The following LPAR1 variants were observed in gnomAD, a reference collection of about 807,000 sequenced individuals.
LPAR1 encodes the protein lysophosphatidic acid receptor 1, also known as LPA receptor 1.
LPAR1 carries 5 observed loss-of-function variants against 23.8 expected under a neutral mutation model. The observed-to-expected ratio is 0.21, with a 90% confidence interval of 0.11 to 0.44. The LOEUF is 0.44. LPAR1 is among the 20% of genes least tolerant of loss of function. The probability of loss-of-function intolerance (pLI) is 0.99; values close to 1 mark genes in which losing one functional copy is unlikely to be tolerated. For synonymous variants in LPAR1, 160 were observed against 164.7 expected (o/e 0.97, Z 0.22); for missense variants, 311 against 482.8 (o/e 0.64, Z 3.33).
In LPAR1 at chr9:110,883,394, T is replaced by C. The variant is rs148640853; in HGVS notation, c.794-7672A>G. Among the ~76,000 whole-genome samples the C allele has an allele frequency of 1.2e-4, 18 of 152,164 alleles. No homozygotes were observed. The East Asian group carries it at 3.5e-3, about 29-fold the overall frequency. On this transcript the variant is annotated intron_variant, in intron 5 of 5. Coordinates refer to ENST00000683809, the MANE Select transcript of LPAR1 (RefSeq NM_001351411.2). ...ATTTAAAGTTAGCCACTATTAAAAA[T>C]AGATATTGGATGTACCACTCAAACC... is the stretch of plus-strand genomic sequence containing the variant.
At chr9:110,915,777 G>A (rs1041259241) in intron 5 of LPAR1, among the ~76,000 whole-genome samples, 2 of 152,150 alleles carry the variant, frequency 1.3e-5, no homozygotes, top group African/African-American at 4.8e-5. Flanking sequence ...TTCCTTAGAT[G>A]TAGATTTTAG....
intron 4 of LPAR1, among the ~76,000 whole-genome samples, chr9:110,963,837 A>C (rs1340741561): frequency 6.6e-6 from 1 of 152,230 alleles, no homozygotes; most frequent in Non-Finnish European, 1.5e-5. Flanking sequence ...ATTTTAAAAA[A>C]TAAAGCTGAA....
intron 2 of LPAR1, among the ~76,000 whole-genome samples, chr9:111,015,755 A>C (rs1359664912): frequency 1.3e-5 from 2 of 152,142 alleles, no homozygotes; most frequent in Admixed American, 1.3e-4. Context: ...AGGAAAAATA[A>C]AGATGTTTTC....
Position 110,900,524 on chromosome 9 carries a change from G to A in LPAR1, c.794-24802C>T, listed in dbSNP as rs1003774194. ...GAGAACAGGGATTTTCTTCTGTGCC[G>A]CAAGTACTTTCCTACCTGAGAACAT... On this transcript the variant is annotated intron_variant, in intron 5 of 5. Coordinates refer to ENST00000683809, the MANE Select transcript of LPAR1 (RefSeq NM_001351411.2). 3.3e-5 allele frequency among the ~76,000 whole-genome samples: 5 copies of A among 152,070 alleles called. No individual in the cohort carries two copies. The East Asian group carries it at 5.8e-4, about 18-fold the overall frequency.
At chr9:110,991,557 T>C (rs2096892284) in intron 2 of LPAR1, among the ~76,000 whole-genome samples, 1 of 120,342 alleles carries the variant, frequency 8.3e-6, no homozygotes, top group East Asian at 2.1e-4. Flanking sequence ...TGGAGCAGTC[T>C]GATAGAATCT....
In LPAR1 at chr9:110,875,160, G is replaced by C. The variant is rs1397783015; in HGVS notation, c.*261C>G. Reference sequence around the variant, plus strand: ...AGTCTAAATGGACACTCCAGAGTCTGTTCTTGAATTCCATTGCAAGAGCTC... The same window carrying C: ...AGTCTAAATGGACACTCCAGAGTCTCTTCTTGAATTCCATTGCAAGAGCTC... On this transcript the variant is annotated 3_prime_UTR_variant, in exon 6 of 6. Coordinates refer to ENST00000683809, the MANE Select transcript of LPAR1 (RefSeq NM_001351411.2). The C allele has an allele frequency of 7.7e-6, 3 of 387,812 alleles. No individual in the cohort carries two copies. Among genetic ancestry groups the C allele is most frequent in the African/African-American group, 4.0e-5 (2 of 49,732 alleles). The allele number at this position is 387,812 out of a possible 1,614,324, so 24.0% of individuals were successfully genotyped here. A position where few individuals can be genotyped will look rare whatever the true frequency, so the allele number is the denominator to read the frequency against.
At chr9:111,012,095 T>G (rs1362855001) in intron 2 of LPAR1, among the ~76,000 whole-genome samples, 1 of 152,058 alleles carries the variant, frequency 6.6e-6, no homozygotes, top group Non-Finnish European at 1.5e-5. Context: ...ACAAAAAAAT[T>G]TTTAAATTAG....
Position 110,941,983 on chromosome 9 carries a change from G to A in LPAR1, c.231C>T (p.Asn77=), listed in dbSNP as rs1275353714. 1 of 1,614,144 alleles carries A rather than the reference G, an allele frequency of 6.2e-7. No homozygotes were observed. The highest frequency in any genetic ancestry group is 2.2e-5 in the East Asian group (1 of 44,878). ...AATAAATAGGAAAATGGAAGCGGCG[G>A]TTGACATAGATTGCCACCATGACCA... ...NLLVMVAIYV[N]RRFHFPIYYL... Residue 77 remains asparagine, a synonymous_variant, in exon 5 of 6, where the codon AAC becomes AAT. Transcript: ENST00000683809. The surrounding 1 kb of genome is among the most constrained non-coding windows in gnomAD (Gnocchi z 6.1).
intron 4 of LPAR1, among the ~76,000 whole-genome samples, chr9:110,966,421 G>C (rs2096226928): frequency 6.6e-6 from 1 of 151,306 alleles, no homozygotes; most frequent in South Asian, 2.1e-4. Context: ...AGAGGTTGTG[G>C]CGAGCCAAGA....
intron 5 of LPAR1, among the ~76,000 whole-genome samples, chr9:110,900,968 G>T (rs1393046103): frequency 6.6e-6 from 1 of 152,072 alleles, no homozygotes; most frequent in East Asian, 1.9e-4. Context: ...TCTAATTATC[G>T]TGCTGAAATG....
intron 4 of LPAR1, among the ~76,000 whole-genome samples, chr9:110,961,747 C>T (rs374195573): frequency 7.2e-5 from 11 of 152,024 alleles, no homozygotes; most frequent in African/African-American, 2.4e-4. Context: ...CGTACATGGC[C>T]GCAGGCAAGA....
chr9:111,020,399 C>T (rs887215832), intron 2 of LPAR1, among the ~76,000 whole-genome samples: 11 of 152,180 alleles, frequency 7.2e-5, no homozygotes, highest in African/African-American at 2.7e-4. Flanking sequence ...GGGACTTTGT[C>T]CCAAGGTCAT....
At chr9:110,978,061 A>G (rs1166272819) in intron 2 of LPAR1, among the ~76,000 whole-genome samples, 1 of 152,200 alleles carries the variant, frequency 6.6e-6, no homozygotes, top group Non-Finnish European at 1.5e-5. Context: ...AATCAGAGCA[A>G]ATATTTACTT....
chr9:110,943,855 A>G (rs6477798), intron 4 of LPAR1, among the ~76,000 whole-genome samples: 90,492 of 145,008 alleles, frequency 0.62, 29,249 homozygotes, highest in East Asian at 0.97. Context: ...GCAAGACCCC[A>G]ACTCCATCTC....
intron 5 of LPAR1, among the ~76,000 whole-genome samples, chr9:110,884,002 G>C (rs1434887012): frequency 6.8e-6 from 1 of 146,506 alleles, no homozygotes; most frequent in Non-Finnish European, 1.5e-5. Context: ...TTTCTAGAAA[G>C]TTTGCATAAG....
intron 2 of LPAR1, among the ~76,000 whole-genome samples, chr9:110,984,960 T>C (rs2096750999): frequency 6.6e-6 from 1 of 151,982 alleles, no homozygotes; most frequent in African/African-American, 2.4e-5. Flanking sequence ...AGAATTTCCG[T>C]TTTAAAGAAT....
At chr9:110,910,572 TTG>T (rs1491166448) in intron 5 of LPAR1, among the ~76,000 whole-genome samples, 78 of 152,306 alleles carry the variant, frequency 5.1e-4, no homozygotes, top group African/African-American at 1.9e-3. Flanking sequence ...TAAGTATATT[TTG>T]TAAAGCTAGA....
intron 4 of LPAR1, among the ~76,000 whole-genome samples, chr9:110,942,853 C>T (rs1020116546): frequency 1.3e-5 from 2 of 152,044 alleles, no homozygotes; most frequent in African/African-American, 2.4e-5. Context: ...GAGGACCCAA[C>T]GTAACCTCCA....
chr9:110,957,377 A>C (rs1393425870), intron 4 of LPAR1, among the ~76,000 whole-genome samples: 1 of 151,716 alleles, frequency 6.6e-6, no homozygotes, highest in African/African-American at 2.4e-5. Flanking sequence ...ATAATGCACC[A>C]TGCACCATGC....
Sources: gnomAD v4.1 joint callset for allele counts (sites outside exome capture counted in the v4.1 genomes callset) on GRCh38, gnomAD v4.1.1 for gene constraint, Gnocchi (gnomAD v3.1) non-coding constraint, MANE v1.5 for transcripts, NCBI Gene and HGNC (gene_info 2026-07-23, HGNC 2026-07-21) for gene names.